LYRM4: variants seen among roughly 807,000 people sequenced by gnomAD.
LYRM4 encodes the protein LYR motif-containing protein 4.
In LYRM4, 9 loss-of-function variants were observed where a neutral mutation model predicts 11.7. The observed-to-expected ratio is 0.77, with a 90% CI of 0.46 to 1.34. LYRM4 has a LOEUF of 1.34. LYRM4 is among the 40% of genes most tolerant of loss of function. LYRM4 has a pLI of 0.00. For synonymous variants in LYRM4, 42 were observed against 40.4 expected, an observed-to-expected ratio of 1.04 and a Z score of -0.15; for missense variants, 133 against 112.5, an observed-to-expected ratio of 1.18 and a Z score of -0.82.
chr6:5,032,892 C>T, the LYRM4 span: 1 of 152,958 alleles, frequency 6.5e-6, no homozygotes, highest in East Asian at 1.9e-4. Context: ...TCCCGTCCCT[C>T]CACACCCTCC....
At chr6:5,060,104 G>T in the LYRM4 span, among the ~76,000 whole-genome samples, 1 of 152,232 alleles carries the variant, frequency 6.6e-6, no homozygotes, top group Non-Finnish European at 1.5e-5. Flanking sequence ...CATGTACATT[G>T]TTTCTGGTCT....
the LYRM4 span, among the ~76,000 whole-genome samples, chr6:5,057,452 C>T: frequency 3.2e-4 from 49 of 152,178 alleles, no homozygotes; most frequent in African/African-American, 1.1e-3. Flanking sequence ...CGTGGTGGCC[C>T]ACGCCTGTAA....
chr6:5,214,466 C>T (rs1166185088), intron 2 of LYRM4, among the ~76,000 whole-genome samples: 5 of 152,126 alleles, frequency 3.3e-5, no homozygotes, highest in South Asian at 2.1e-4. Context: ...TAGGGTGTCA[C>T]GAAGCAAGAG....
At chr6:5,036,502 C>T in the LYRM4 span, among the ~76,000 whole-genome samples, 1 of 152,296 alleles carries the variant, frequency 6.6e-6, no homozygotes, top group South Asian at 2.1e-4. Context: ...GGGCTGCTGT[C>T]ATAGAGCCCT....
chr6:5,052,835 CTA>C, the LYRM4 span, among the ~76,000 whole-genome samples: 1 of 152,228 alleles, frequency 6.6e-6, no homozygotes, highest in Non-Finnish European at 1.5e-5. Context: ...CCTGCACTCT[CTA>C]TGCTTCACTC....
chr6:5,095,701 G>T, the LYRM4 span, among the ~76,000 whole-genome samples: 2 of 152,188 alleles, frequency 1.3e-5, no homozygotes, highest in Non-Finnish European at 2.9e-5. Context: ...GTATTGGCTG[G>T]GCGTGGTGGC....
At chr6:5,136,839 T>TG (rs1276464955) in intron 2 of LYRM4, 1 of 984,788 alleles carries the variant, frequency 1.0e-6, no homozygotes, top group Non-Finnish European at 1.2e-6. Flanking sequence ...AACAGCTTTA[T>TG]GGAGATATAA....
At chr6:5,145,543 G>A (rs1561828178) in intron 2 of LYRM4, among the ~76,000 whole-genome samples, 1 of 152,088 alleles carries the variant, frequency 6.6e-6, no homozygotes, top group Non-Finnish European at 1.5e-5. Flanking sequence ...CACACCTAAG[G>A]CCCTCTACCC....
chr6:5,226,866 C>T (rs1224013426), intron 1 of LYRM4, among the ~76,000 whole-genome samples: 2 of 151,928 alleles, frequency 1.3e-5, no homozygotes, highest in Non-Finnish European at 2.9e-5. Flanking sequence ...TTTAAAGTTC[C>T]TATTGATATA....
At position 5,144,624 on chromosome 6, in the gene LYRM4, CAAAAAAAAAAA is replaced by C. The variant is rs71540849; in HGVS notation, c.208-35144_208-35134del. ...TGGGCGACACAGCGAGACTCCGTCTCAAAAAAAAAAAAAAAAAAAAAAAAAAAAAAAGAAAT... is the reference window on the plus strand; with the variant it reads ...TGGGCGACACAGCGAGACTCCGTCTCAAAAAAAAAAAAAAAAAAAAGAAAT... On this transcript the variant is annotated intron_variant, in intron 2 of 2. Coordinates refer to ENST00000330636, the MANE Select transcript of LYRM4 (RefSeq NM_020408.6). 2.9e-3 allele frequency among the ~76,000 whole-genome samples: 110 copies of C among 37,594 alleles called. No homozygotes were observed. The East Asian group carries it at 0.05, about 17-fold the overall frequency. 24.7% of individuals were successfully genotyped at this position (37,594 alleles called of 152,430 possible).
intron 2 of LYRM4, among the ~76,000 whole-genome samples, chr6:5,178,444 CTCT>C (rs1170316240): frequency 5.5e-4 from 72 of 131,500 alleles, no homozygotes; most frequent in African/African-American, 2.3e-3. Flanking sequence ...GGATTCATAA[CTCT>C]TTTTTTTTTT....
chr6:5,180,823 C>T (rs1029546717), intron 2 of LYRM4, among the ~76,000 whole-genome samples: 35 of 152,206 alleles, frequency 2.3e-4, no homozygotes, highest in African/African-American at 4.6e-4. Flanking sequence ...CTCCCATGTG[C>T]GCCAGAACAC....
chr6:5,076,298 T>C, the LYRM4 span, among the ~76,000 whole-genome samples: 5 of 152,090 alleles, frequency 3.3e-5, no homozygotes, highest in African/African-American at 9.7e-5. Flanking sequence ...TTTGTTTGTT[T>C]CCCTTTGAAC....
At chr6:5,052,284 G>C in the LYRM4 span, among the ~76,000 whole-genome samples, 1 of 152,136 alleles carries the variant, frequency 6.6e-6, no homozygotes, top group Non-Finnish European at 1.5e-5. Flanking sequence ...TGATTCAAGA[G>C]AGTAATGTAT....
At chr6:5,040,137 C>T in the LYRM4 span, among the ~76,000 whole-genome samples, 3 of 150,614 alleles carry the variant, frequency 2.0e-5, no homozygotes, top group Non-Finnish European at 1.5e-5. Flanking sequence ...GGCAACATAG[C>T]GAGACCCCAT....
intron 2 of LYRM4, among the ~76,000 whole-genome samples, chr6:5,161,408 C>T (rs1389583104): frequency 6.6e-6 from 1 of 152,130 alleles, no homozygotes; most frequent in Non-Finnish European, 1.5e-5. Flanking sequence ...TTCTATATAA[C>T]CTGTTTTCTT....
At chr6:5,111,034 C>G (rs971037456) in intron 2 of LYRM4, among the ~76,000 whole-genome samples, 1 of 152,146 alleles carries the variant, frequency 6.6e-6, no homozygotes, top group African/African-American at 2.4e-5. Context: ...TCTGGACAAC[C>G]TGAAATAGCT....
chr6:5,085,657 C>T, the LYRM4 span: 1 of 1,548,538 alleles, frequency 6.5e-7, no homozygotes, highest in Non-Finnish European at 8.7e-7. Context: ...AGGGGATAGG[C>T]CCCTGTCCCC....
the LYRM4 span, among the ~76,000 whole-genome samples, chr6:5,045,407 G>A: frequency 6.6e-6 from 1 of 152,214 alleles, no homozygotes; most frequent in Non-Finnish European, 1.5e-5. Flanking sequence ...GGGTACCAAA[G>A]AGAATCAAAC....
Sources: gnomAD v4.1 joint callset for allele counts (sites outside exome capture counted in the v4.1 genomes callset) on GRCh38, gnomAD v4.1.1 for gene constraint, MANE v1.5 for transcripts, NCBI Gene and HGNC (gene_info 2026-07-23, HGNC 2026-07-21) for gene names.